AGBL4: variants seen among roughly 807,000 people sequenced by gnomAD.
AGBL4 encodes the protein cytosolic carboxypeptidase 6.
A neutral mutation model predicts 66.4 loss-of-function variants in AGBL4; 58 were observed. That is an observed-to-expected ratio of 0.87 (90% CI 0.71 to 1.09). The LOEUF (loss-of-function observed/expected upper bound fraction) is 1.09, where lower values mean the gene tolerates loss of function less well. Ranked by LOEUF, AGBL4 falls within the 50% of genes least tolerant of loss-of-function variation. The pLI is 0.00. For missense variants in AGBL4, 579 were observed against 631.0 expected (o/e 0.92, Z 0.88); for synonymous variants, 234 against 222.9 (o/e 1.05, Z -0.44).
intron 6 of AGBL4, among the ~76,000 whole-genome samples, chr1:48,861,397 G>A (rs1389328559): frequency 6.6e-6 from 1 of 152,094 alleles, no homozygotes. Flanking sequence ...AGAATCTTAA[G>A]TGAAAAGTAT....
In AGBL4 at chr1:49,923,914, C is replaced by A. The variant is rs539264954; in HGVS notation, c.35-72396G>T. ...CATTGTAGAAGACAGTGTGGTGATT[C>A]CTCGAAGACCTAAAGACAGAACTAC... On this transcript the variant is annotated intron_variant, in intron 1 of 13. Coordinates refer to ENST00000371839, the MANE Select transcript of AGBL4 (RefSeq NM_032785.4). 2.0e-3 allele frequency among the ~76,000 whole-genome samples: 302 copies of A among 152,250 alleles called. 10 individuals are homozygous for A. The South Asian group carries it at 0.061, about 31-fold the overall frequency.
intron 5 of AGBL4, among the ~76,000 whole-genome samples, chr1:48,947,662 C>T (rs1172979921): frequency 1.3e-5 from 2 of 152,094 alleles, no homozygotes; most frequent in Non-Finnish European, 2.9e-5. Flanking sequence ...GCATTAACTG[C>T]CCAAAGCTTT....
chr1:48,748,220 A>G (rs1651070195), intron 6 of AGBL4, among the ~76,000 whole-genome samples: 1 of 152,206 alleles, frequency 6.6e-6, no homozygotes, highest in South Asian at 2.1e-4. Context: ...GCTGGGTAGG[A>G]GGATCCCCCT....
At chr1:48,536,553 G>A (rs1386461969) in intron 12 of AGBL4, among the ~76,000 whole-genome samples, 2 of 152,166 alleles carry the variant, frequency 1.3e-5, no homozygotes, top group African/African-American at 4.8e-5. Flanking sequence ...AGCACACAAT[G>A]GGCAGGGGCT....
chr1:49,562,674 G>GT (rs1644081284), intron 3 of AGBL4, among the ~76,000 whole-genome samples: 1 of 152,050 alleles, frequency 6.6e-6, no homozygotes, highest in Non-Finnish European at 1.5e-5. Flanking sequence ...CTATATCTCT[G>GT]TTTTGGTACC....
chr1:48,643,094 A>G (rs189335687), intron 8 of AGBL4, among the ~76,000 whole-genome samples: 21 of 152,342 alleles, frequency 1.4e-4, no homozygotes, highest in Admixed American at 1.2e-3. Context: ...CTAGATTGAG[A>G]TAAGTGCTAC....
rs759141805 is a variant in AGBL4 at position 49,372,707 on chromosome 1, TTC to T, written c.283-126845_283-126844del. Among the ~76,000 whole-genome samples the T allele has an allele frequency of 2.6e-4, 39 of 149,130 alleles. No individual in the cohort carries two copies. The South Asian group carries it at 3.0e-3, about 11-fold the overall frequency. On this transcript the variant is annotated intron_variant, in intron 3 of 13. Transcript: ENST00000371839. ...TTTCTTTCTCTTTCTTTCTTTTTCTTTCTCTCTCTCTCTTTCTTTCTTTCCCT... is the reference window on the plus strand; with the variant it reads ...TTTCTTTCTCTTTCTTTCTTTTTCTTTCTCTCTCTCTTTCTTTCTTTCCCT...
chr1:50,012,885 T>C (rs1661658600), intron 1 of AGBL4, among the ~76,000 whole-genome samples: 1 of 152,240 alleles, frequency 6.6e-6, no homozygotes, highest in South Asian at 2.1e-4. Flanking sequence ...GAAACCACGT[T>C]GATCGTAAGG....
chr1:49,523,276 T>C (rs1161258430), intron 3 of AGBL4, among the ~76,000 whole-genome samples: 2 of 151,954 alleles, frequency 1.3e-5, no homozygotes, highest in African/African-American at 2.4e-5. Context: ...CCAAGCAAAA[T>C]AGGCACATGA....
intron 2 of AGBL4, chr1:49,845,086 G>T: frequency 6.9e-7 from 1 of 1,454,924 alleles, no homozygotes; most frequent in Non-Finnish European, 9.6e-7. Flanking sequence ...CAAATGTCAG[G>T]AATGCAGAAA....
At chr1:49,097,526 A>G (rs1000330493) in intron 4 of AGBL4, among the ~76,000 whole-genome samples, 7 of 152,344 alleles carry the variant, frequency 4.6e-5, no homozygotes, top group African/African-American at 1.7e-4. Flanking sequence ...TCTGGAGGTT[A>G]CCCATGAAGG....
intron 3 of AGBL4, among the ~76,000 whole-genome samples, chr1:49,521,866 C>G (rs962203179): frequency 6.6e-6 from 1 of 151,758 alleles, no homozygotes; most frequent in African/African-American, 2.4e-5. Flanking sequence ...ACAGAGCAAA[C>G]AGACAACCCA....
At chr1:49,093,423 C>A (rs560484967) in intron 4 of AGBL4, among the ~76,000 whole-genome samples, 58 of 152,276 alleles carry the variant, frequency 3.8e-4, no homozygotes, top group African/African-American at 1.3e-3. Flanking sequence ...CTACCATGTA[C>A]AATTTACTTG....
intron 6 of AGBL4, among the ~76,000 whole-genome samples, chr1:48,816,086 T>TA (rs764538580): frequency 0.042 from 4,916 of 116,098 alleles, 176 homozygotes; most frequent in East Asian, 0.15. Context: ...TGTGTGTGTG[T>TA]GTGTGTAGAG....
At chr1:48,887,122 T>C (rs1448245779) in intron 5 of AGBL4, among the ~76,000 whole-genome samples, 3 of 152,094 alleles carry the variant, frequency 2.0e-5, no homozygotes, top group Admixed American at 6.5e-5. Flanking sequence ...TTGTGGGCCC[T>C]GGCAGAATCT....
intron 6 of AGBL4, among the ~76,000 whole-genome samples, chr1:48,663,889 C>T (rs753132489): frequency 1.3e-5 from 2 of 152,110 alleles, no homozygotes; most frequent in Non-Finnish European, 2.9e-5. Context: ...TTCAAGGTCA[C>T]ACAGCTGAAA....
chr1:49,047,513 A>G (rs928157261), intron 4 of AGBL4, among the ~76,000 whole-genome samples: 7 of 151,994 alleles, frequency 4.6e-5, no homozygotes, highest in Non-Finnish European at 7.4e-5. Context: ...TCTTATAGGC[A>G]CTCCTTCTTC....
chr1:48,699,568 A>G (rs1397002015), intron 6 of AGBL4, among the ~76,000 whole-genome samples: 1 of 152,148 alleles, frequency 6.6e-6, no homozygotes, highest in Non-Finnish European at 1.5e-5. Context: ...GTGCCAAAGA[A>G]TTTACACCTT....
intron 1 of AGBL4, among the ~76,000 whole-genome samples, chr1:49,883,850 T>G (rs1056341195): frequency 1.3e-5 from 2 of 151,916 alleles, no homozygotes; most frequent in African/African-American, 4.8e-5. Flanking sequence ...GAAAAAAAAC[T>G]AAGCCTGCAG....
Sources: allele counts gnomAD v4.1 joint callset (sites outside exome capture counted in the v4.1 genomes callset), GRCh38; gene constraint gnomAD v4.1.1; transcripts MANE v1.5; gene names NCBI Gene and HGNC (gene_info 2026-07-23, HGNC 2026-07-21).